Variants in ME3 observed in about 807,000 individuals in gnomAD.
The protein encoded by ME3 is malic enzyme 3.
In ME3, 48 loss-of-function variants were observed where a neutral mutation model predicts 68.9. That is an observed-to-expected ratio of 0.70 (90% CI 0.55 to 0.89). The LOEUF (loss-of-function observed/expected upper bound fraction) is 0.89, where lower values mean the gene tolerates loss of function less well. ME3 is among the 40% of genes least tolerant of loss of function. ME3 has a pLI of 0.00. For synonymous variants in ME3, 320 were observed against 318.8 expected (o/e 1.00, Z -0.04); for missense variants, 675 against 797.4 (o/e 0.85, Z 1.85).
intron 2 of ME3, among the ~76,000 whole-genome samples, chr11:86,671,052 T>C (rs1377646358): frequency 2.0e-5 from 3 of 152,158 alleles, no homozygotes; most frequent in Admixed American, 6.5e-5. Context: ...CAAAAACAAA[T>C]ACAAAAGAGC....
intron 2 of ME3, among the ~76,000 whole-genome samples, chr11:86,567,843 T>C (rs997269813): frequency 6.6e-6 from 1 of 152,218 alleles, no homozygotes; most frequent in Non-Finnish European, 1.5e-5. Flanking sequence ...TCACTAGGGC[T>C]TAAGGGGGAA....
chr11:86,560,231 C>T lies in ME3; in HGVS notation c.184-408G>A, dbSNP rs1957140135. Among the ~76,000 whole-genome samples the T allele has an allele frequency of 2.6e-5, 4 of 152,192 alleles. No homozygotes were observed. In the South Asian group the frequency reaches 8.3e-4, roughly 32 times the overall value. Reference sequence around the variant, plus strand: ...GATTGGATCACAGGGGCAGTTTTCCCCATGCTATTCTTGTGATAGTGAGTG... The same window carrying T: ...GATTGGATCACAGGGGCAGTTTTCCTCATGCTATTCTTGTGATAGTGAGTG... On this transcript the variant is annotated intron_variant, in intron 2 of 14. Transcript: ENST00000543262.
chr11:86,559,882 CA>C, intron 2 of ME3, 59 bp from the exon 3 acceptor site: 1 of 1,558,632 alleles, frequency 6.4e-7, no homozygotes. Flanking sequence ...GACAAAGGAA[CA>C]GAAGGGGTCC....
At chr11:86,502,134 G>A (rs1049833011) in intron 5 of ME3, among the ~76,000 whole-genome samples, 8 of 152,090 alleles carry the variant, frequency 5.3e-5, no homozygotes, top group African/African-American at 1.9e-4. Context: ...TTTTGTATAA[G>A]GCTTGTACTT....
intron 13 of ME3, among the ~76,000 whole-genome samples, chr11:86,445,627 C>T (rs1364877861): frequency 6.6e-6 from 1 of 152,232 alleles, no homozygotes; most frequent in Non-Finnish European, 1.5e-5. Context: ...TGTCAAGTGC[C>T]TGGCACTTGG....
At chr11:86,466,774 A>T (rs1345112959) in intron 7 of ME3, among the ~76,000 whole-genome samples, 1 of 152,212 alleles carries the variant, frequency 6.6e-6, no homozygotes, top group Non-Finnish European at 1.5e-5. Context: ...AGATGGATTC[A>T]CATTACAGGG....
At chr11:86,527,200 G>A (rs562101185) in intron 4 of ME3, among the ~76,000 whole-genome samples, 8 of 152,296 alleles carry the variant, frequency 5.3e-5, no homozygotes, top group Non-Finnish European at 7.3e-5. Context: ...ACCAAGGCAC[G>A]AGAACTACGT....
chr11:86,662,584 A>AAG (rs1433744002), intron 2 of ME3, among the ~76,000 whole-genome samples: 1 of 152,168 alleles, frequency 6.6e-6, no homozygotes, highest in African/African-American at 2.4e-5. Context: ...GTGACAGAGT[A>AAG]AGACCCTGTC....
intron 4 of ME3, among the ~76,000 whole-genome samples, chr11:86,515,020 A>C (rs1046454765): frequency 6.6e-6 from 1 of 152,250 alleles, no homozygotes. Flanking sequence ...CATGTTTGTC[A>C]GGAGCCATGA....
chr11:86,600,203 A>T (rs1251003606), intron 2 of ME3, among the ~76,000 whole-genome samples: 2 of 152,032 alleles, frequency 1.3e-5, no homozygotes, highest in East Asian at 3.9e-4. Flanking sequence ...GTATTCAGGA[A>T]ACCCATCTCA....
intron 2 of ME3, among the ~76,000 whole-genome samples, chr11:86,657,268 C>T (rs572268097): frequency 1.3e-5 from 2 of 152,266 alleles, no homozygotes; most frequent in South Asian, 4.1e-4. Context: ...CACATATACA[C>T]CATGGAATAC....
chr11:86,463,535 T>C (rs1260767677), intron 8 of ME3, among the ~76,000 whole-genome samples: 1 of 152,224 alleles, frequency 6.6e-6, no homozygotes, highest in Non-Finnish European at 1.5e-5. Context: ...GTCCCAGGCC[T>C]ATGCAACAGG....
Position 86,605,717 on chromosome 11 carries a change from C to G in ME3, c.184-45894G>C, listed in dbSNP as rs76863210. 9.4e-3 allele frequency among the ~76,000 whole-genome samples: 1,425 copies of G among 152,096 alleles called. 19 individuals are homozygous for G. Among genetic ancestry groups the G allele is most frequent in the South Asian group, 0.053 (255 of 4,804 alleles). ...CGTTATTTAAAATCTTTGTAACAAC[C>G]CTTTAAAATAGATTTTTTAAAAATC... On this transcript the variant is annotated intron_variant, in intron 2 of 14. Coordinates refer to ENST00000543262, the Ensembl canonical transcript of ME3.
intron 4 of ME3, among the ~76,000 whole-genome samples, chr11:86,538,410 T>A (rs1317068359): frequency 1.3e-5 from 2 of 152,160 alleles, no homozygotes; most frequent in African/African-American, 2.4e-5. Context: ...ACAACTTTAT[T>A]ATCTTTTACT....
rs1289156674 is a variant in ME3, at chr11:86,446,395, G to C, written c.1473C>G (p.Tyr491Ter). 1.9e-6 allele frequency: 3 copies of C among 1,614,182 alleles called. No homozygotes were observed. ...CTCCCAGTGCCACCCCGGGGAACAC[G>C]TAAGCATTGTTTCCCTGCCCAGGAA... The change falls in exon 13 of 15, where the codon TAC becomes TAG. Residue 491 changes from tyrosine to a stop codon, truncating the protein, a stop_gained. Transcript: ENST00000543262. LOFTEE classifies it high-confidence loss of function.
At chr11:86,435,290 T>C in the ME3 span, 1 of 152,170 alleles carries the variant, frequency 6.6e-6, no homozygotes, top group Admixed American at 6.5e-5. Flanking sequence ...TAGTAGGTCA[T>C]GGCAGCCTAA....
At chr11:86,500,263 A>C (rs1287652599) in intron 5 of ME3, among the ~76,000 whole-genome samples, 1 of 152,208 alleles carries the variant, frequency 6.6e-6, no homozygotes, top group African/African-American at 2.4e-5. Flanking sequence ...AGTGACATGA[A>C]GTTAAACAGA....
intron 6 of ME3, among the ~76,000 whole-genome samples, chr11:86,487,770 T>G (rs906370561): frequency 1.3e-5 from 2 of 152,222 alleles, no homozygotes; most frequent in African/African-American, 4.8e-5. Flanking sequence ...TACTGACATT[T>G]TGGCTGGGAT....
intron 2 of ME3, among the ~76,000 whole-genome samples, chr11:86,659,862 G>A (rs139723173): frequency 6.6e-6 from 1 of 152,228 alleles, no homozygotes; most frequent in Non-Finnish European, 1.5e-5. Context: ...CTGAATGGAT[G>A]GATGGACCAA....
Sources: gnomAD v4.1 joint callset for allele counts (sites outside exome capture counted in the v4.1 genomes callset) on GRCh38, gnomAD v4.1.1 for gene constraint, MANE v1.5 for transcripts, NCBI Gene and HGNC (gene_info 2026-07-23, HGNC 2026-07-21) for gene names.